RNF128: variants seen among roughly 807,000 people sequenced by gnomAD.
RNF128 encodes E3 ubiquitin-protein ligase RNF128.
Under a neutral mutation model 26.2 loss-of-function variants are expected in RNF128, and 13 were observed. That is an observed-to-expected ratio of 0.50 (90% CI 0.32 to 0.79). The LOEUF (loss-of-function observed/expected upper bound fraction) is 0.79. Among genes scored for constraint, RNF128 ranks in the 30% least tolerant of loss-of-function variants. RNF128 has a pLI of 0.03. For synonymous variants in RNF128, 149 were observed against 142.5 expected (o/e 1.05, Z -0.32); for missense variants, 315 against 349.7 (o/e 0.90, Z 0.79).
chrX:106,735,971 T>C (rs1330447687), intron 1 of RNF128, among the ~76,000 whole-genome samples: 2 of 110,496 alleles, frequency 1.8e-5, no homozygotes, highest in Non-Finnish European at 3.8e-5. Flanking sequence ...TGTTTTTTTT[T>C]CCCGTAAGAG....
At chrX:106,740,033 A>T (rs914119757) in intron 1 of RNF128, among the ~76,000 whole-genome samples, 9 of 111,850 alleles carry the variant, frequency 8.0e-5, no homozygotes, top group African/African-American at 2.9e-4. Flanking sequence ...TCCCCATATT[A>T]AAAACTATAC....
In RNF128 at chrX:106,727,029, C is replaced by G. The variant is rs1602369321; in HGVS notation, c.116C>G (p.Ala39Gly). The G allele has an allele frequency of 8.3e-7, 1 of 1,205,025 alleles. No individual in the cohort carries two copies. Among genetic ancestry groups the G allele is most frequent in the Non-Finnish European group, 1.1e-6 (1 of 892,968 alleles). ...LSPQAPGSRGAEAVWTAYLNV... is the reference protein window; with the variant it reads ...LSPQAPGSRGGEAVWTAYLNV... The stretch of plus-strand genomic sequence containing the variant: ...CCGCAGGCACCCGGTTCCCGGGGGG[C>G]TGAAGCAGTGTGGACCGCGTACCTC... The change falls in exon 1 of 7, where the codon GCT becomes GGT. Residue 39 changes from alanine to glycine, a missense_variant. Ala to Gly is a moderately conservative substitution (Grantham distance 60, BLOSUM62 0). Transcript: ENST00000255499.
chrX:106,725,276 A>G (rs61251410), upstream of RNF128, among the ~76,000 whole-genome samples: 13,826 of 111,098 alleles, frequency 0.12, 2,138 homozygotes, highest in African/African-American at 0.43. Context: ...TCAATACCTA[A>G]GAGTATATGT....
chrX:106,774,177 C>T (rs918454006), intron 2 of RNF128, among the ~76,000 whole-genome samples: 2 of 111,283 alleles, frequency 1.8e-5, no homozygotes, highest in African/African-American at 6.5e-5. Context: ...ATATGTGTTC[C>T]TTTCCCTTTC....
intron 1 of RNF128, among the ~76,000 whole-genome samples, chrX:106,740,637 A>G (rs757816968): frequency 8.0e-4 from 89 of 111,577 alleles, no homozygotes; most frequent in African/African-American, 2.8e-3. Context: ...TGGTGCAATC[A>G]TAGTTCACTG....
intron 2 of RNF128, among the ~76,000 whole-genome samples, chrX:106,775,349 T>A (rs1165985494): frequency 8.9e-6 from 1 of 112,181 alleles, no homozygotes; most frequent in Non-Finnish European, 1.9e-5. Context: ...AATAAATTTA[T>A]TGACATGGCA....
chrX:106,769,546 G>GTTTTTTTTTTTTTTTTTT (rs752900867), intron 1 of RNF128, among the ~76,000 whole-genome samples: 6 of 65,105 alleles, frequency 9.2e-5, no homozygotes, highest in African/African-American at 1.7e-4. Context: ...CACCTGCTTT[G>GTTTTTTTTTTTTTTTTTT]TTTTTTTTTT....
chrX:106,779,349 G>A (rs902609402), intron 2 of RNF128, among the ~76,000 whole-genome samples: 1 of 24,658 alleles, frequency 4.1e-5, no homozygotes, highest in Admixed American at 2.7e-4. Context: ...ACACAGTTAC[G>A]TGTGTGTGTG....
At chrX:106,731,131 T>C (rs754051394) in intron 1 of RNF128, among the ~76,000 whole-genome samples, 1 of 112,478 alleles carries the variant, frequency 8.9e-6, no homozygotes, top group Non-Finnish European at 1.9e-5. Flanking sequence ...CTATTATGTT[T>C]TAATCACAGT....
chrX:106,694,484 A>C (rs1603074565), intron 1 of RNF128: 1 of 784,297 alleles, frequency 1.3e-6, no homozygotes. Context: ...GAACTGGTCT[A>C]GGATCTGGCA....
chrX:106,718,180 A>G lies in RNF128; in HGVS notation c.406+23772A>G, dbSNP rs374964167. 9.1e-4 allele frequency among the ~76,000 whole-genome samples: 102 copies of G among 112,178 alleles called. 1 individual carries two copies. In the South Asian group the frequency reaches 0.038, roughly 42 times the overall value. On this transcript the variant is annotated intron_variant, in intron 1 of 6. Coordinates refer to the RNF128 transcript ENST00000324342. ...GTATAGAGGCCAAACATATGCTCTC[A>G]TCAGGTCTCTAAATACCTCCATCAT...
intron 2 of RNF128, among the ~76,000 whole-genome samples, chrX:106,775,042 A>G (rs1276996646): frequency 1.8e-5 from 2 of 112,267 alleles, no homozygotes; most frequent in Non-Finnish European, 3.8e-5. Flanking sequence ...CAGTGTTTAA[A>G]GTTAATTGGC....
intron 1 of RNF128, among the ~76,000 whole-genome samples, chrX:106,708,144 C>T (rs1929073443): frequency 8.9e-6 from 1 of 112,007 alleles, no homozygotes; most frequent in African/African-American, 3.2e-5. Flanking sequence ...GGTTCCTCGG[C>T]TTGATGACAC....
intron 3 of RNF128, among the ~76,000 whole-genome samples, chrX:106,787,498 A>C (rs917730967): frequency 1.8e-5 from 2 of 111,105 alleles, no homozygotes; most frequent in South Asian, 7.5e-4. Flanking sequence ...GCACTATTCT[A>C]TATCTTGATT....
rs762381291 is a variant in RNF128, at chrX:106,785,048, TG to T, written c.733-16del. Reference sequence around the variant, plus strand: ...AAAAAATAGTTTTTCTAATACCTGCTGTTTTTTTTTTTACAGAGGCAATTAA... The same window carrying T: ...AAAAAATAGTTTTTCTAATACCTGCTTTTTTTTTTTTACAGAGGCAATTAA... On this transcript the variant is annotated splice_polypyrimidine_tract_variant and intron_variant, in intron 2 of 6. Coordinates refer to ENST00000255499, the MANE Select transcript of RNF128 (RefSeq NM_194463.2). 1 of 1,058,675 alleles carries T rather than the reference TG, an allele frequency of 9.4e-7. No homozygotes were observed. Among genetic ancestry groups the T allele is most frequent in the East Asian group, 3.1e-5 (1 of 32,695 alleles). 87.2% of individuals were successfully genotyped at this position (1,058,675 alleles called of 1,213,427 possible). A position where few individuals can be genotyped will look rare whatever the true frequency, so the allele number is the denominator to read the frequency against.
chrX:106,700,271 G>A (rs935804331), intron 1 of RNF128, among the ~76,000 whole-genome samples: 17 of 110,411 alleles, frequency 1.5e-4, no homozygotes, highest in Non-Finnish European at 2.8e-4. Flanking sequence ...TAATCCTTCT[G>A]CCTCGACATC....
intron 4 of RNF128, among the ~76,000 whole-genome samples, chrX:106,788,426 T>TTATATATAATATTATTATAATTATAA (rs1235823159): frequency 5.8e-4 from 27 of 46,527 alleles, no homozygotes; most frequent in East Asian, 4.7e-3. Context: ...ATAATATATA[T>TTATATATAATATTATTATAATTATAA]TATATATAAT....
intron 1 of RNF128, among the ~76,000 whole-genome samples, chrX:106,735,963 T>TG (rs1491541529): frequency 9.3e-6 from 1 of 107,152 alleles, no homozygotes; most frequent in African/African-American, 3.5e-5. Context: ...TGTATTTTTG[T>TG]TTTTTTTTCC....
chrX:106,715,190 A>C (rs1929192919), intron 1 of RNF128, among the ~76,000 whole-genome samples: 1 of 112,034 alleles, frequency 8.9e-6, no homozygotes, highest in Non-Finnish European at 1.9e-5. Context: ...GCTTCTCCAC[A>C]TCCTTAACAA....
Sources: gnomAD v4.1 joint callset for allele counts (sites outside exome capture counted in the v4.1 genomes callset) on GRCh38, gnomAD v4.1.1 for gene constraint, MANE v1.5 for transcripts, NCBI Gene and HGNC (gene_info 2026-07-23, HGNC 2026-07-21) for gene names.